Variants in SH3RF3 observed in about 807,000 individuals in gnomAD.
SH3RF3 encodes E3 ubiquitin-protein ligase SH3RF3.
SH3RF3 carries 29 observed loss-of-function variants against 66.3 expected under a neutral mutation model. That is an observed-to-expected ratio of 0.44 (90% confidence interval 0.33 to 0.60). The LOEUF (loss-of-function observed/expected upper bound fraction) is 0.60, where lower values mean the gene tolerates loss of function less well. Ranked by LOEUF, SH3RF3 falls within the 20% of genes least tolerant of loss-of-function variation. The pLI is 0.04. For missense variants in SH3RF3, 1,194 were observed against 1,190.9 expected (o/e 1.00, Z -0.04); for synonymous variants, 583 against 532.0 (o/e 1.10, Z -1.32).
At chr2:109,436,755 G>T in intron 6 of SH3RF3, 138 bp from the exon 7 acceptor site, 1 of 1,362,032 alleles carries the variant, frequency 7.3e-7, no homozygotes, top group Non-Finnish European at 9.8e-7. Context: ...GACGGGCATT[G>T]TTTTAGGACC....
At chr2:109,354,738 C>T (rs760519986) in intron 2 of SH3RF3, among the ~76,000 whole-genome samples, 1 of 152,246 alleles carries the variant, frequency 6.6e-6, no homozygotes, top group Non-Finnish European at 1.5e-5. Flanking sequence ...CACCCTGCCC[C>T]GCAGCCTCTG....
intron 1 of SH3RF3, among the ~76,000 whole-genome samples, chr2:109,198,454 T>C (rs902190204): frequency 6.6e-6 from 1 of 152,096 alleles, no homozygotes; most frequent in African/African-American, 2.4e-5. Context: ...CCAGCACAGA[T>C]TGGAGGATGA....
intron 3 of SH3RF3, among the ~76,000 whole-genome samples, chr2:109,375,077 C>T (rs1683350472): frequency 6.6e-6 from 1 of 152,210 alleles, no homozygotes; most frequent in Admixed American, 6.5e-5. Context: ...GTACATTTCC[C>T]TCTGCTGTTC....
chr2:109,326,410 T>G (rs1229475086), intron 1 of SH3RF3, among the ~76,000 whole-genome samples: 1 of 152,238 alleles, frequency 6.6e-6, no homozygotes, highest in African/African-American at 2.4e-5. Context: ...GAGAATACTA[T>G]GTTCTTTGGA....
chr2:109,441,474 TATAGTA>T (rs1231084033), intron 7 of SH3RF3, among the ~76,000 whole-genome samples: 1 of 151,936 alleles, frequency 6.6e-6, no homozygotes, highest in Non-Finnish European at 1.5e-5. Flanking sequence ...AACTTGAAGA[TATAGTA>T]ATAGAAGCCG....
intron 2 of SH3RF3, among the ~76,000 whole-genome samples, chr2:109,371,167 T>C (rs1037647158): frequency 6.6e-6 from 1 of 152,170 alleles, no homozygotes; most frequent in Non-Finnish European, 1.5e-5. Flanking sequence ...GGCGGGCAGA[T>C]TGCCTGAGCT....
intron 1 of SH3RF3, among the ~76,000 whole-genome samples, chr2:109,138,012 G>C (rs7588387): frequency 6.2e-4 from 94 of 152,162 alleles, no homozygotes; most frequent in African/African-American, 2.1e-3. Context: ...CATTTATTTC[G>C]CAGATCAAAA....
chr2:109,447,871 G>A (rs1677753589), intron 7 of SH3RF3, among the ~76,000 whole-genome samples: 1 of 152,216 alleles, frequency 6.6e-6, no homozygotes, highest in Non-Finnish European at 1.5e-5. Context: ...CTGGCAGCAA[G>A]GTGGTGGATC....
intron 1 of SH3RF3, among the ~76,000 whole-genome samples, chr2:109,295,123 T>C (rs1402757174): frequency 6.6e-6 from 1 of 152,246 alleles, no homozygotes; most frequent in African/African-American, 2.4e-5. Flanking sequence ...TCCAGTGGCA[T>C]GCAAGTGGTG....
chr2:109,392,957 G>A (rs540965192), intron 3 of SH3RF3, among the ~76,000 whole-genome samples: 1 of 152,334 alleles, frequency 6.6e-6, no homozygotes. Context: ...CAGTGTCAAA[G>A]GGAATCCTTC....
intron 5 of SH3RF3, among the ~76,000 whole-genome samples, chr2:109,421,976 T>G (rs1166432681): frequency 6.6e-6 from 1 of 152,162 alleles, no homozygotes; most frequent in African/African-American, 2.4e-5. Context: ...GAGGAAAAGA[T>G]CAGACTGACC....
At chr2:109,416,762 C>T (rs910587820) in intron 4 of SH3RF3, among the ~76,000 whole-genome samples, 2 of 151,800 alleles carry the variant, frequency 1.3e-5, no homozygotes, top group African/African-American at 4.8e-5. Context: ...AAATATTAGC[C>T]GGGGGTGGTA....
intron 1 of SH3RF3, among the ~76,000 whole-genome samples, chr2:109,223,626 T>G (rs1679306190): frequency 6.6e-6 from 1 of 152,050 alleles, no homozygotes; most frequent in African/African-American, 2.4e-5. Context: ...CTGGAGCTCC[T>G]TAGTGCTCCC....
chr2:109,461,888 C>A (rs1678216028), intron 8 of SH3RF3, among the ~76,000 whole-genome samples: 1 of 152,070 alleles, frequency 6.6e-6, no homozygotes, highest in South Asian at 2.1e-4. Context: ...ATTAATACAC[C>A]CATCTGAGGA....
At chr2:109,430,679 T>A (rs1677184078) in intron 5 of SH3RF3, among the ~76,000 whole-genome samples, 1 of 152,240 alleles carries the variant, frequency 6.6e-6, no homozygotes, top group African/African-American at 2.4e-5. Flanking sequence ...ATTTCCTCTA[T>A]GGTGATGGGA....
At chr2:109,389,867 G>T (rs1447634340) in intron 3 of SH3RF3, among the ~76,000 whole-genome samples, 1 of 152,144 alleles carries the variant, frequency 6.6e-6, no homozygotes, top group Non-Finnish European at 1.5e-5. Context: ...ACCTGCCTGG[G>T]CTGTGGCTGG....
intron 7 of SH3RF3, among the ~76,000 whole-genome samples, chr2:109,441,132 CAAA>C (rs55649222): frequency 1.5e-5 from 2 of 134,034 alleles, no homozygotes; most frequent in South Asian, 2.4e-4. Context: ...TATAGGAATA[CAAA>C]AAAAAAAAAA....
At chr2:109,365,443 C>A (rs928904831) in intron 2 of SH3RF3, among the ~76,000 whole-genome samples, 5 of 152,184 alleles carry the variant, frequency 3.3e-5, no homozygotes, top group Non-Finnish European at 7.3e-5. Context: ...ATTTGGGGGG[C>A]AGCAGTTTGC....
Position 109,294,272 on chromosome 2 carries a change from A to T in SH3RF3, c.574-53402A>T, listed in dbSNP as rs191199422. ...AAGACAGTGTCCTGCCTGTATAAAGAATTGCTGTGCCGTGTGCGGTGGTCA... is the reference window on the plus strand; with the variant it reads ...AAGACAGTGTCCTGCCTGTATAAAGTATTGCTGTGCCGTGTGCGGTGGTCA... On this transcript the variant is annotated intron_variant, in intron 1 of 9. Coordinates refer to ENST00000309415, the MANE Select transcript of SH3RF3 (RefSeq NM_001099289.3). 6.6e-5 allele frequency among the ~76,000 whole-genome samples: 10 copies of T among 152,260 alleles called. No individual in the cohort carries two copies. The East Asian group carries it at 1.9e-3, about 29-fold the overall frequency.
Sources: gnomAD v4.1 joint callset for allele counts (sites outside exome capture counted in the v4.1 genomes callset) on GRCh38, gnomAD v4.1.1 for gene constraint, MANE v1.5 for transcripts, NCBI Gene and HGNC (gene_info 2026-07-23, HGNC 2026-07-21) for gene names.